Variants in KDM2B observed in about 807,000 individuals in gnomAD.
KDM2B encodes lysine demethylase 2B.
Under a neutral mutation model 150.0 loss-of-function variants are expected in KDM2B, and 26 were observed. The ratio of observed to expected loss-of-function variants is 0.17; its 90% CI spans 0.13 to 0.24. KDM2B has a LOEUF of 0.24. Ranked by LOEUF, KDM2B falls within the 10% of genes least tolerant of loss-of-function variation. The pLI, the probability that KDM2B is intolerant of heterozygous loss-of-function variation, is 1.00. For synonymous variants in KDM2B, 734 were observed against 729.5 expected, an observed-to-expected ratio of 1.01 and a Z score of -0.10; for missense variants, 1,265 against 1,816.9, an observed-to-expected ratio of 0.70 and a Z score of 5.52.
intron 8 of KDM2B, 59 bp downstream of exon 8, chr12:121,532,747 A>T (rs1887772580): frequency 8.2e-6 from 13 of 1,582,710 alleles, no homozygotes; most frequent in South Asian, 5.7e-5. Context: ...GGGGGCCTAA[A>T]ACCCTGGCTC....
chr12:121,440,035 C>T lies in KDM2B; in HGVS notation c.3651G>A (p.Glu1217=). Residue 1217 remains glutamate, a synonymous_variant, in exon 22 of 23, where the codon GAG becomes GAA. Transcript: ENST00000377071. ...TGATGTCCAGGCCTGCCAGGCGCAG[C>T]TCCACGATGTTCCGGAGCTTGCTCC... The part of the protein sequence containing the change: ...DNRSKLRNIV[E]LRLAGLDITD... 6.2e-7 allele frequency: 1 copy of T among 1,613,048 alleles called. No homozygotes were observed. The highest frequency in any genetic ancestry group is 8.5e-7 in the Non-Finnish European group (1 of 1,179,662).
chr12:121,547,152 G>A (rs1246289303), intron 6 of KDM2B, among the ~76,000 whole-genome samples: 1 of 152,140 alleles, frequency 6.6e-6, no homozygotes, highest in Non-Finnish European at 1.5e-5. Flanking sequence ...TTTCTCCAGA[G>A]GGTAGGGGCT....
chr12:121,436,905 C>T (rs1874097164), intron 22 of KDM2B, among the ~76,000 whole-genome samples: 1 of 152,216 alleles, frequency 6.6e-6, no homozygotes, highest in African/African-American at 2.4e-5. Flanking sequence ...AAACCTCCCA[C>T]TTACTGTAGC....
intron 22 of KDM2B, among the ~76,000 whole-genome samples, chr12:121,435,502 A>G (rs1873838310): frequency 6.6e-6 from 1 of 152,144 alleles, no homozygotes; most frequent in African/African-American, 2.4e-5. Flanking sequence ...AAGTGGGGCT[A>G]AAGATGGTGT....
chr12:121,539,821 C>T (rs1555309442), intron 6 of KDM2B, among the ~76,000 whole-genome samples: 2 of 152,102 alleles, frequency 1.3e-5, no homozygotes, highest in Non-Finnish European at 2.9e-5. Flanking sequence ...CGCACTGCAA[C>T]CTCCAACTCC....
chr12:121,494,285 T>G, intron 12 of KDM2B: 2 of 337,486 alleles, frequency 5.9e-6, no homozygotes, highest in Non-Finnish European at 5.5e-6. Context: ...AGCAAGGGAG[T>G]GAGGGAAGGA....
chr12:121,555,727 C>T (rs573405046), intron 4 of KDM2B, among the ~76,000 whole-genome samples: 1 of 152,080 alleles, frequency 6.6e-6, no homozygotes, highest in Non-Finnish European at 1.5e-5. Context: ...GATATTTTTC[C>T]CCCCCAAATC....
At chr12:121,538,247 G>A (rs1428075368) in intron 6 of KDM2B, among the ~76,000 whole-genome samples, 1 of 152,034 alleles carries the variant, frequency 6.6e-6, no homozygotes, top group Non-Finnish European at 1.5e-5. Context: ...TGGGGGTGCA[G>A]GGCTGGCTCT....
At chr12:121,484,719 G>A (rs1279334063) in intron 12 of KDM2B, among the ~76,000 whole-genome samples, 2 of 152,114 alleles carry the variant, frequency 1.3e-5, no homozygotes, top group Non-Finnish European at 1.5e-5. Context: ...TTGGGAGGCT[G>A]AGGTGGGAGG....
chr12:121,444,373 TGG>T (rs1875756026), intron 15 of KDM2B, 75 bp downstream of exon 15: 2 of 1,604,094 alleles, frequency 1.2e-6, no homozygotes, highest in African/African-American at 2.7e-5. Flanking sequence ...CTGAAACTCC[TGG>T]GACAGGCTGG....
chr12:121,578,829 C>T lies in KDM2B; in HGVS notation c.244G>A (p.Asp82Asn), dbSNP rs782254496. The T allele has an allele frequency of 6.3e-6, 10 of 1,599,084 alleles. 1 individual carries two copies. The Admixed American group carries it at 1.2e-4, about 19-fold the overall frequency. ...TTGCCCTCCATGGCGTGCACGAAGT[C>T]CCCCTGGTACAGCTGGCTGCGAAGC... is the stretch of plus-strand genomic sequence containing the variant. Reference protein sequence around the residue: ...EKLRSQLYQGDFVHAMEGKDF... With the variant: ...EKLRSQLYQGNFVHAMEGKDF... Residue 82 changes from aspartate to asparagine, a missense_variant, in exon 2 of 23, where the codon GAC (aspartate) becomes AAC (asparagine). Coordinates refer to ENST00000377071, the MANE Select transcript of KDM2B (RefSeq NM_032590.5).
At chr12:121,506,091 C>T (rs55803024) in intron 11 of KDM2B, among the ~76,000 whole-genome samples, 5 of 152,076 alleles carry the variant, frequency 3.3e-5, no homozygotes, top group African/African-American at 1.2e-4. Flanking sequence ...TTCACTGTAG[C>T]CTAGAACTCC....
Position 121,451,106 on chromosome 12 carries a change from T to C in KDM2B, c.1959+2014A>G, listed in dbSNP as rs905088315. Among the ~76,000 whole-genome samples the C allele has an allele frequency of 4.6e-5, 7 of 152,078 alleles. No homozygotes were observed. In the South Asian group the frequency reaches 1.5e-3, roughly 32 times the overall value. On this transcript the variant is annotated intron_variant, in intron 13 of 22. Coordinates refer to ENST00000377071, the MANE Select transcript of KDM2B (RefSeq NM_032590.5). Reference sequence around the variant, plus strand: ...TTATACTGAGTGTGCCTGCGTCTCCTGCCCCCCCCTTCTACCTCCTCCATC... The same window carrying C: ...TTATACTGAGTGTGCCTGCGTCTCCCGCCCCCCCCTTCTACCTCCTCCATC...
At position 121,575,917 on chromosome 12, in the gene KDM2B, G is replaced by T; in HGVS notation, c.272-58C>A. ...TAAGTCACGAAGGAGCAAATGAACC[G>T]GGATCTGTTGGTTAGGGGAAGAAAA... On this transcript the variant is annotated intron_variant, in intron 2 of 22. Coordinates refer to ENST00000377071, the MANE Select transcript of KDM2B (RefSeq NM_032590.5). The surrounding 1 kb of genome is among the most constrained non-coding windows in gnomAD (Gnocchi z 4.4). The T allele has an allele frequency of 7.6e-7, 1 of 1,314,366 alleles. No homozygotes were observed. Among genetic ancestry groups the T allele is most frequent in the Non-Finnish European group, 1.1e-6 (1 of 907,922 alleles). 81.4% of individuals were successfully genotyped at this position (1,314,366 alleles called of 1,614,324 possible). A position where few individuals can be genotyped will look rare whatever the true frequency, so the allele number is the denominator to read the frequency against.
intron 8 of KDM2B, among the ~76,000 whole-genome samples, chr12:121,528,861 C>G (rs1555307354): frequency 6.6e-6 from 1 of 152,124 alleles, no homozygotes; most frequent in African/African-American, 2.4e-5. Flanking sequence ...CCACTGCACT[C>G]CAGCTTGGGT....
chr12:121,523,013 G>A (rs1886823572), intron 8 of KDM2B, among the ~76,000 whole-genome samples: 1 of 152,240 alleles, frequency 6.6e-6, no homozygotes, highest in Admixed American at 6.5e-5. Context: ...CATACTGCAA[G>A]TGCTCAGGTG....
At position 121,467,312 on chromosome 12, in the gene KDM2B, G is replaced by C. The variant is rs1296310187; in HGVS notation, c.1735-13968C>G. ...GCTCGGCTCGCCCTGGCTCGGGCTC[G>C]GGCTCGGGCTCGGGCTCCCGCTGCC... On this transcript the variant is annotated intron_variant, in intron 12 of 22. Coordinates refer to ENST00000377071, the MANE Select transcript of KDM2B (RefSeq NM_032590.5). This position sits in a 1 kb window ranked among gnomAD's most constrained non-coding sequence, Gnocchi z 5.1. 6 of 982,564 alleles carry C rather than the reference G, an allele frequency of 6.1e-6. No homozygotes were observed. Among genetic ancestry groups the C allele is most frequent in the Non-Finnish European group, 7.2e-6 (6 of 828,926 alleles). 60.9% of individuals were successfully genotyped at this position (982,564 alleles called of 1,614,324 possible). A position where few individuals can be genotyped will look rare whatever the true frequency, so the allele number is the denominator to read the frequency against.
chr12:121,525,198 G>A (rs782515123), intron 8 of KDM2B, among the ~76,000 whole-genome samples: 1 of 152,186 alleles, frequency 6.6e-6, no homozygotes, highest in African/African-American at 2.4e-5. Context: ...TCATAGTTGG[G>A]ACCAGGGGCC....
chr12:121,475,549 G>A (rs775942593), intron 12 of KDM2B, among the ~76,000 whole-genome samples: 2 of 151,970 alleles, frequency 1.3e-5, no homozygotes, highest in Admixed American at 6.6e-5. Context: ...AGCCAAGATT[G>A]TGACTGCACT....
Sources: allele counts gnomAD v4.1 joint callset (sites outside exome capture counted in the v4.1 genomes callset), GRCh38; gene constraint gnomAD v4.1.1; non-coding constraint Gnocchi (gnomAD v3.1); transcripts MANE v1.5; gene names NCBI Gene and HGNC (gene_info 2026-07-23, HGNC 2026-07-21).